The following GART variants were observed in gnomAD, a reference collection of about 807,000 sequenced individuals.
GART encodes trifunctional purine biosynthetic protein adenosine-3.
Under a neutral mutation model 107.2 loss-of-function variants are expected in GART, and 43 were observed. The observed-to-expected ratio is 0.40, with a 90% CI of 0.31 to 0.52. GART has a LOEUF of 0.52. GART is among the 20% of genes least tolerant of loss of function. The pLI, the probability that GART is intolerant of heterozygous loss-of-function variation, is 0.52. For synonymous variants in GART, 434 were observed against 427.0 expected (o/e 1.02, Z -0.20); for missense variants, 1,107 against 1,206.5 (o/e 0.92, Z 1.22).
In GART at chr21:33,528,615, A is replaced by G. The variant is rs1329765396; in HGVS notation, c.812-11T>C. ...CAGCATAGAGAATACCTTCATTAAA[A>G]AAGAAAAAAAAAAAAAAGAGAGAAA... On this transcript the variant is annotated splice_polypyrimidine_tract_variant and intron_variant, in intron 8 of 21. Transcript: ENST00000381815. 1 of 1,471,810 alleles carries G rather than the reference A, an allele frequency of 6.8e-7. No homozygotes were observed. The highest frequency in any genetic ancestry group is 9.1e-7 in the Non-Finnish European group (1 of 1,103,956). 91.2% of individuals were successfully genotyped at this position (1,471,810 alleles called of 1,614,324 possible). A position where few individuals can be genotyped will look rare whatever the true frequency, so the allele number is the denominator to read the frequency against.
chr21:33,517,289 A>G, intron 15 of GART, 68 bp downstream of exon 15: 2 of 1,591,712 alleles, frequency 1.3e-6, no homozygotes, highest in Non-Finnish European at 1.7e-6. Context: ...AAGTAATCAG[A>G]GACTAAAACC....
At chr21:33,536,825 TTCA>T (rs1360752977) in intron 2 of GART, among the ~76,000 whole-genome samples, 2 of 152,186 alleles carry the variant, frequency 1.3e-5, no homozygotes, top group East Asian at 3.8e-4. Flanking sequence ...GGCACAAAAT[TTCA>T]TCATGCTATG....
intron 11 of GART, among the ~76,000 whole-genome samples, chr21:33,522,680 T>C (rs187412076): frequency 1.8e-4 from 27 of 152,344 alleles, no homozygotes; most frequent in African/African-American, 6.0e-4. Context: ...AGTTCAATAG[T>C]ATTGAATACA....
chr21:33,529,582 A>G (rs2085142948), intron 7 of GART: 1 of 151,310 alleles, frequency 6.6e-6, no homozygotes, highest in Non-Finnish European at 1.5e-5. Flanking sequence ...CTTCCCAAGT[A>G]GCTGGGACTG....
At position 33,539,435 on chromosome 21, in the gene GART, G is replaced by GT. The variant is rs2085367481; in HGVS notation, c.-41-80dup. ...GGGACGGGCACAGTGGCTCATGCCTGTACCCCCAGCATTTTGGGAGGCCGA... is the reference window on the plus strand; with the variant it reads ...GGGACGGGCACAGTGGCTCATGCCTGTTACCCCCAGCATTTTGGGAGGCCGA... On this transcript the variant is annotated intron_variant, in intron 1 of 21. Coordinates refer to ENST00000381815, the MANE Select transcript of GART (RefSeq NM_000819.5). 22 of 1,079,630 alleles carry GT rather than the reference G, an allele frequency of 2.0e-5. No homozygotes were observed. In the South Asian group the frequency reaches 3.7e-4, roughly 18 times the overall value. The allele number at this position is 1,079,630 out of a possible 1,614,324, so 66.9% of individuals were successfully genotyped here.
intron 11 of GART, chr21:33,524,201 A>T: frequency 1.0e-6 from 1 of 985,356 alleles, no homozygotes; most frequent in South Asian, 4.7e-5. Context: ...CAGTTCTTTG[A>T]TAAAACCATG....
At chr21:33,508,526 T>G (rs189901886) in intron 18 of GART, among the ~76,000 whole-genome samples, 7 of 147,710 alleles carry the variant, frequency 4.7e-5, no homozygotes, top group Admixed American at 2.0e-4. Context: ...TTTTTTTTTT[T>G]TTTTTTTTTT....
chr21:33,520,647 T>C lies in GART; in HGVS notation c.1504-85A>G, dbSNP rs2084956674. 9.7e-6 allele frequency: 12 copies of C among 1,232,674 alleles called. No individual in the cohort carries two copies. In the South Asian group the frequency reaches 1.4e-4, roughly 15 times the overall value. 76.4% of individuals were successfully genotyped at this position (1,232,674 alleles called of 1,614,324 possible). ...CATTTGATTAGCTGCTCTTAACACCTAAAAACAAAAGAACACGAAATTCTG... is the reference window on the plus strand; with the variant it reads ...CATTTGATTAGCTGCTCTTAACACCCAAAAACAAAAGAACACGAAATTCTG... On this transcript the variant is annotated intron_variant, in intron 13 of 21. Transcript: ENST00000381815.
chr21:33,531,145 T>C, intron 6 of GART: 1 of 387,750 alleles, frequency 2.6e-6, no homozygotes, highest in Non-Finnish European at 4.5e-6. Context: ...TTTCAACCTT[T>C]CCCCCACTTT....
intron 11 of GART, chr21:33,524,217 T>C (rs2085024984): frequency 1.0e-6 from 1 of 985,476 alleles, no homozygotes; most frequent in Non-Finnish European, 1.2e-6. Flanking sequence ...CCATGAACTA[T>C]GTTTCAAATA....
rs2084989432 is a variant in GART, at chr21:33,522,383, A to G, written c.1299-101T>C. 6.6e-6 allele frequency: 6 copies of G among 912,072 alleles called. No individual in the cohort carries two copies. In the South Asian group the frequency reaches 7.8e-5, roughly 12 times the overall value. 56.5% of individuals were successfully genotyped at this position (912,072 alleles called of 1,614,324 possible). ...AAGATATCCCAAGTGATTTTCACAT[A>G]CCCTAAAGTGCTTAAATTTTTTTAA... is the stretch of plus-strand genomic sequence containing the variant. On this transcript the variant is annotated intron_variant, in intron 11 of 21. Transcript: ENST00000381815.
intron 2 of GART, among the ~76,000 whole-genome samples, chr21:33,536,029 T>C (rs892933521): frequency 1.5e-4 from 22 of 150,156 alleles, no homozygotes; most frequent in African/African-American, 5.4e-4. Flanking sequence ...CGAAACTCTG[T>C]CTCAAAAAAA....
At chr21:33,505,824 T>C (rs1172951605) in intron 19 of GART, 122 bp from the exon 20 acceptor site, 1 of 1,352,702 alleles carries the variant, frequency 7.4e-7, no homozygotes, top group African/African-American at 1.5e-5. Context: ...GAGAGATTAT[T>C]AAGAAAGGGA....
intron 17 of GART, 29 bp downstream of exon 17, chr21:33,511,223 A>G (rs375478038): frequency 1.8e-4 from 283 of 1,611,002 alleles, no homozygotes; most frequent in Admixed American, 5.2e-4. Context: ...CTAAAATTAT[A>G]TATCTAAAAA....
intron 5 of GART, 93 bp from the exon 6 acceptor site, chr21:33,531,650 G>T: frequency 8.7e-7 from 1 of 1,148,034 alleles, no homozygotes; most frequent in Non-Finnish European, 1.2e-6. Context: ...TCCAGCATTT[G>T]TATTATGAAC....
chr21:33,525,134 T>C lies in GART; in HGVS notation c.1067-134A>G. On this transcript the variant is annotated intron_variant, in intron 10 of 21. Transcript: ENST00000381815. The stretch of plus-strand genomic sequence containing the variant: ...AGGTGCGGTGGCTCATGCTTATAAT[T>C]CCAGCACTTTGGGAGGCTGAGGCAA... 3 of 1,405,906 alleles carry C rather than the reference T, an allele frequency of 2.1e-6. No homozygotes were observed. In the South Asian group the frequency reaches 4.7e-5, roughly 22 times the overall value. The allele number at this position is 1,405,906 out of a possible 1,614,324, so 87.1% of individuals were successfully genotyped here. A position where few individuals can be genotyped will look rare whatever the true frequency, so the allele number is the denominator to read the frequency against.
chr21:33,534,700 C>T lies in GART; in HGVS notation c.295G>A (p.Glu99Lys). 1.2e-6 allele frequency: 2 copies of T among 1,612,188 alleles called. No individual in the cohort carries two copies. The highest frequency in any genetic ancestry group is 2.2e-5 in the South Asian group (2 of 90,876). The part of the protein sequence containing the change: ...AGVQCFGPTA[E>K]AAQLESSKRF... ...TTGCTGGACTCTAACTGAGCCGCTT[C>T]TGCTGTTGGGCCAAAGCATTGCACT... is the stretch of plus-strand genomic sequence containing the variant. Residue 99 changes from glutamate (E) to lysine (K), a missense_variant, in exon 4 of 22, where the codon GAA becomes AAA. Physicochemically the swap from Glu to Lys is moderately conservative, Grantham distance 56. Coordinates refer to ENST00000381815, the MANE Select transcript of GART (RefSeq NM_000819.5).
At chr21:33,511,103 G>C (rs1223873996) in intron 17 of GART, 149 bp downstream of exon 17, 3 of 745,160 alleles carry the variant, frequency 4.0e-6, no homozygotes, top group Non-Finnish European at 6.9e-6. Context: ...CGCTGGGGTG[G>C]GTGCTGTCAT....
chr21:33,511,348 C>T lies in GART; in HGVS notation c.2218G>A (p.Val740Met). Residue 740 changes from valine (V) to methionine (M), a missense_variant, in exon 17 of 22, where the codon GTG becomes ATG. Coordinates refer to ENST00000381815, the MANE Select transcript of GART (RefSeq NM_000819.5). Reference protein sequence around the residue: ...TFNCGVGAVLVVSKEQTEQIL... With the variant: ...TFNCGVGAVLMVSKEQTEQIL... ...TGCTCTGTCTGCTCCTTTGATACCA[C>T]AAGGACAGCGCCAACCCCACAGTTA... The T allele has an allele frequency of 1.2e-6, 2 of 1,614,188 alleles. No individual in the cohort carries two copies. The highest frequency in any genetic ancestry group is 1.7e-6 in the Non-Finnish European group (2 of 1,180,016).
Sources: gnomAD v4.1 joint callset for allele counts (sites outside exome capture counted in the v4.1 genomes callset) on GRCh38, gnomAD v4.1.1 for gene constraint, MANE v1.5 for transcripts, NCBI Gene and HGNC (gene_info 2026-07-23, HGNC 2026-07-21) for gene names.